ZFHX2: variants seen among roughly 807,000 people sequenced by gnomAD.
The protein encoded by ZFHX2 is zinc finger homeobox protein 2.
In ZFHX2, 75 loss-of-function variants were observed where a neutral mutation model predicts 164.8. The ratio of observed to expected loss-of-function variants is 0.46; its 90% confidence interval spans 0.38 to 0.55. The LOEUF (loss-of-function observed/expected upper bound fraction) is 0.55, where lower values mean the gene tolerates loss of function less well. Among genes scored for constraint, ZFHX2 ranks in the 20% least tolerant of loss-of-function variants. The probability of loss-of-function intolerance (pLI) is 0.00; values close to 1 mark genes in which losing one functional copy is unlikely to be tolerated. For synonymous variants in ZFHX2, 1,217 were observed against 1,351.4 expected (o/e 0.90, Z 2.18); for missense variants, 2,933 against 3,308.0 (o/e 0.89, Z 2.78).
chr14:23,550,506 G>A (rs1369898174), intron 1 of ZFHX2, among the ~76,000 whole-genome samples: 1 of 152,224 alleles, frequency 6.6e-6, no homozygotes, highest in Non-Finnish European at 1.5e-5. Context: ...AGTGGAGACA[G>A]TGACATACAG....
chr14:23,544,997 G>A lies in ZFHX2; in HGVS notation c.-50+6346C>T, dbSNP rs138595494. The stretch of plus-strand genomic sequence containing the variant: ...TGTCTCCCTTCCCGCTTCTCTCTTC[G>A]ATTCTGGGCTCCTCTTCTCTTCACT... On this transcript the variant is annotated intron_variant, in intron 1 of 9. Transcript: ENST00000419474. Among the ~76,000 whole-genome samples the A allele has an allele frequency of 8.1e-3, 1,221 of 150,898 alleles. 6 individuals are homozygous for A. Among genetic ancestry groups the A allele is most frequent in the Middle Eastern group, 0.027 (8 of 294 alleles).
rs548509790 is a variant in ZFHX2, at chr14:23,546,871, C to G, written c.-50+4472G>C. Among the ~76,000 whole-genome samples, 6 of 152,274 alleles carry G rather than the reference C, an allele frequency of 3.9e-5. No homozygotes were observed. Among genetic ancestry groups the G allele is most frequent in the Admixed American group, 6.5e-5 (1 of 15,304 alleles). ...CAGCCACCACTGTCCTTCCTTCAGG[C>G]CCCCCGCCCACCAGCCCCTTCTTTA... On this transcript the variant is annotated intron_variant, in intron 1 of 9. Coordinates refer to ENST00000419474, the MANE Select transcript of ZFHX2 (RefSeq NM_033400.3). This position sits in a 1 kb window ranked among gnomAD's most constrained non-coding sequence, Gnocchi z 4.7.
In ZFHX2 at chr14:23,534,494, G is replaced by A; in HGVS notation, c.832C>T (p.Leu278Phe). ...TTGCAGCCTTCATCTCCCTCCTGGA[G>A]TACAGCTGGGCTACCTGACAGGCCC... ...YQGLSGSPAV[L>F]QEGDEGCKAL... Residue 278 changes from leucine (L) to phenylalanine (F), a missense_variant, in exon 2 of 10, where the codon CTC becomes TTC. Transcript: ENST00000419474. The surrounding 1 kb of genome is among the most constrained non-coding windows in gnomAD (Gnocchi z 4.5). The A allele has an allele frequency of 2.0e-6, 3 of 1,536,246 alleles. No homozygotes were observed. Among genetic ancestry groups the A allele is most frequent in the Non-Finnish European group, 2.6e-6 (3 of 1,146,950 alleles).
intron 1 of ZFHX2, among the ~76,000 whole-genome samples, chr14:23,537,241 T>C (rs1192583040): frequency 2.0e-5 from 3 of 151,800 alleles, no homozygotes; most frequent in Non-Finnish European, 4.4e-5. Context: ...TTTTTTTTTT[T>C]CTAAATCAGG....
intron 1 of ZFHX2, among the ~76,000 whole-genome samples, chr14:23,536,932 G>T (rs1880212516): frequency 6.6e-6 from 1 of 152,206 alleles, no homozygotes; most frequent in African/African-American, 2.4e-5. Flanking sequence ...GAGGTCAGGA[G>T]TTTGAGACTA....
upstream of ZFHX2, among the ~76,000 whole-genome samples, chr14:23,554,308 C>G (rs574573476): frequency 3.2e-4 from 48 of 152,274 alleles, no homozygotes; most frequent in Non-Finnish European, 1.0e-4. Flanking sequence ...TCTTCTCTCC[C>G]TAACCAACAG....
Position 23,526,489 on chromosome 14 carries a change from C to T in ZFHX2, c.3453G>A (p.Glu1151=), listed in dbSNP as rs1878727108. 1 of 1,536,040 alleles carries T rather than the reference C, an allele frequency of 6.5e-7. No homozygotes were observed. Among genetic ancestry groups the T allele is most frequent in the Non-Finnish European group, 8.7e-7 (1 of 1,146,874 alleles). ...APPPTMAEEE[E]GTTGELRSAE... is the part of the protein sequence containing the mutation. ...CAGAGCGGAGCTCCCCAGTGGTCCC[C>T]TCTTCCTCCTCAGCCATGGTGGGCG... Residue 1151 remains glutamate, a synonymous_variant, in exon 9 of 10, where the codon GAG becomes GAA. Transcript: ENST00000419474.
At position 23,525,294 on chromosome 14, in the gene ZFHX2, G is replaced by A. The variant is rs1205230570; in HGVS notation, c.4648C>T (p.Pro1550Ser). The stretch of plus-strand genomic sequence containing the variant: ...TCAGGCTCTGGGACCAGGAAGGGTG[G>A]GCCCAGATGGGGAACAGGTGAATCC... ...SLDSPVPHLG[P>S]PFLVPEPEAG... The change falls in exon 9 of 10, where the codon CCA becomes TCA. Residue 1550 changes from proline to serine, a missense_variant. Physicochemically the swap from Pro to Ser is moderately conservative, Grantham distance 74. Transcript: ENST00000419474. This position sits in a 1 kb window ranked among gnomAD's most constrained non-coding sequence, Gnocchi z 5.9. 4 of 1,536,076 alleles carry A rather than the reference G, an allele frequency of 2.6e-6. No individual in the cohort carries two copies. Among genetic ancestry groups the A allele is most frequent in the African/African-American group, 2.7e-5 (2 of 73,142 alleles).
At position 23,523,477 on chromosome 14, in the gene ZFHX2, A is replaced by G. The variant is rs1275561295; in HGVS notation, c.6465T>C (p.Tyr2155=). ...RTDCPYCDVK[Y]DFYVSCRGHL... ...GGCCTCGGCAGGAGACATAGAAATC[A>G]TACTTGACATCACAATAGGGGCAGT... is the stretch of plus-strand genomic sequence containing the variant. The change falls in exon 9 of 10, where the codon TAT becomes TAC. Residue 2155 remains tyrosine (Y), a synonymous_variant. Transcript: ENST00000419474. The surrounding 1 kb of genome is among the most constrained non-coding windows in gnomAD (Gnocchi z 4.1). 1 of 1,536,094 alleles carries G rather than the reference A, an allele frequency of 6.5e-7. No individual in the cohort carries two copies. The highest frequency in any genetic ancestry group is 1.4e-5 in the African/African-American group (1 of 73,034).
chr14:23,550,941 G>T (rs1017823930), intron 1 of ZFHX2, among the ~76,000 whole-genome samples: 8 of 151,814 alleles, frequency 5.3e-5, no homozygotes, highest in Non-Finnish European at 7.4e-5. Context: ...ACAGCTCTGA[G>T]CCCTCACACT....
In ZFHX2 at chr14:23,523,981, G is replaced by T; in HGVS notation, c.5961C>A (p.Ala1987=). The T allele has an allele frequency of 6.5e-7, 1 of 1,528,080 alleles. No homozygotes were observed. Among genetic ancestry groups the T allele is most frequent in the African/African-American group, 1.4e-5 (1 of 72,804 alleles). The allele number at this position is 1,528,080 out of a possible 1,614,324, so 94.7% of individuals were successfully genotyped here. A position where few individuals can be genotyped will look rare whatever the true frequency, so the allele number is the denominator to read the frequency against. The stretch of plus-strand genomic sequence containing the variant: ...GAGGTGGCTCTGGTGTTGGGGTGGT[G>T]GCCTCTTTCCCAGGTGGTAGGAAAG... ...PQPFLPPGKE[A]TTPTPEPPLP... Residue 1987 remains alanine (A), a synonymous_variant, in exon 9 of 10, where the codon GCC becomes GCA. Transcript: ENST00000419474. The surrounding 1 kb of genome is among the most constrained non-coding windows in gnomAD (Gnocchi z 4.1).
At chr14:23,531,838 C>A in intron 3 of ZFHX2, 117 bp from the exon 4 acceptor site, 1 of 1,222,022 alleles carries the variant, frequency 8.2e-7, no homozygotes, top group South Asian at 3.7e-5. Flanking sequence ...AGTGCAGTGG[C>A]ATGATCTCTA....
In ZFHX2 at chr14:23,523,155, G is replaced by C; in HGVS notation, c.6739+48C>G. ...AAGGAAAAGGAAGGGCATGTCATTA[G>C]AGGGGGATGTTCTCTGAAGTCCAGC... On this transcript the variant is annotated intron_variant, in intron 9 of 9. Transcript: ENST00000419474. This position sits in a 1 kb window ranked among gnomAD's most constrained non-coding sequence, Gnocchi z 4.1. 7.1e-7 allele frequency: 1 copy of C among 1,411,214 alleles called. No homozygotes were observed. Among genetic ancestry groups the C allele is most frequent in the Non-Finnish European group, 9.2e-7 (1 of 1,088,406 alleles). 87.4% of individuals were successfully genotyped at this position (1,411,214 alleles called of 1,614,324 possible). A position where few individuals can be genotyped will look rare whatever the true frequency, so the allele number is the denominator to read the frequency against.
intron 5 of ZFHX2, 136 bp downstream of exon 5, chr14:23,529,984 C>T (rs760896587): frequency 2.0e-5 from 21 of 1,043,578 alleles, no homozygotes; most frequent in Non-Finnish European, 3.0e-5. Flanking sequence ...GCTCAGCCTC[C>T]CTTCCCCCTG....
In ZFHX2 at chr14:23,535,603, T is replaced by A. The variant is rs550942513; in HGVS notation, c.-49-229A>T. ...ATTTTATTTTATTAATTAATTAATTTTTTTTTGAGATGGAGTTTTGCTCTT... is the reference window on the plus strand; with the variant it reads ...ATTTTATTTTATTAATTAATTAATTATTTTTTGAGATGGAGTTTTGCTCTT... On this transcript the variant is annotated intron_variant, in intron 1 of 9. Coordinates refer to ENST00000419474, the MANE Select transcript of ZFHX2 (RefSeq NM_033400.3). The surrounding 1 kb of genome is among the most constrained non-coding windows in gnomAD (Gnocchi z 4.5). Among the ~76,000 whole-genome samples, 401 of 152,260 alleles carry A rather than the reference T, an allele frequency of 2.6e-3. 3 individuals carry two copies. Among genetic ancestry groups the A allele is most frequent in the African/African-American group, 9.3e-3 (387 of 41,542 alleles).
Position 23,533,238 on chromosome 14 carries a change from G to A in ZFHX2, c.2041+47C>T, listed in dbSNP as rs762008220. ...TCCTTGGGAGAAAGCACGGAATAGA[G>A]TTTGGCCCTGGGGAGGAGAGAAGAG... On this transcript the variant is annotated intron_variant, in intron 2 of 9. Coordinates refer to ENST00000419474, the MANE Select transcript of ZFHX2 (RefSeq NM_033400.3). The surrounding 1 kb of genome is among the most constrained non-coding windows in gnomAD (Gnocchi z 4.8). 1.4e-6 allele frequency: 2 copies of A among 1,435,588 alleles called. No homozygotes were observed. The highest frequency in any genetic ancestry group is 2.5e-5 in the East Asian group (1 of 40,004). 88.9% of individuals were successfully genotyped at this position (1,435,588 alleles called of 1,614,324 possible).
chr14:23,529,303 C>T (rs1879212768), intron 6 of ZFHX2: 1 of 210,108 alleles, frequency 4.8e-6, no homozygotes, highest in Admixed American at 5.4e-5. Context: ...CATCCAGGCT[C>T]AGGGCGTTTT....
rs772521506 is a variant in ZFHX2, at chr14:23,533,597, C to G, written c.1729G>C (p.Glu577Gln). 6.5e-7 allele frequency: 1 copy of G among 1,536,728 alleles called. No homozygotes were observed. Among genetic ancestry groups the G allele is most frequent in the South Asian group, 1.2e-5 (1 of 84,066 alleles). The change falls in exon 2 of 10, where the codon GAG (glutamate) becomes CAG (glutamine). Residue 577 changes from glutamate to glutamine, a missense_variant. By Grantham distance (29) the Glu-to-Gln change is conservative. Coordinates refer to ENST00000419474, the MANE Select transcript of ZFHX2 (RefSeq NM_033400.3). The surrounding 1 kb of genome is among the most constrained non-coding windows in gnomAD (Gnocchi z 4.8). ...SSWQCKVCSYETNISRNLRIH... is the reference protein window; with the variant it reads ...SSWQCKVCSYQTNISRNLRIH... ...CGCAGGTTACGGGAGATGTTTGTCT[C>G]GTAGCTGCACACCTTGCACTGCCAG...
In ZFHX2 at chr14:23,521,993, G is replaced by C. The variant is rs1281389284; in HGVS notation, c.7688C>G (p.Thr2563Ser). Residue 2563 changes from threonine (T) to serine (S), a missense_variant, in exon 10 of 10, where the codon ACT becomes AGT. Physicochemically the swap from Thr to Ser is moderately conservative, Grantham distance 58. Coordinates refer to ENST00000419474, the MANE Select transcript of ZFHX2 (RefSeq NM_033400.3). Reference protein sequence around the residue: ...RLPHTDSNPKTTTTSTLLAL With the variant: ...RLPHTDSNPKSTTTSTLLAL ...AGCTAGAAGTGTAGAGGTAGTCGTA[G>C]TTTTTGGGTTGGAGTCCGTGTGAGG... The C allele has an allele frequency of 1.3e-6, 2 of 1,536,410 alleles. No homozygotes were observed. The highest frequency in any genetic ancestry group is 2.0e-5 in the Admixed American group (1 of 51,010).
Sources: allele counts gnomAD v4.1 joint callset (sites outside exome capture counted in the v4.1 genomes callset), GRCh38; gene constraint gnomAD v4.1.1; non-coding constraint Gnocchi (gnomAD v3.1); transcripts MANE v1.5; gene names NCBI Gene and HGNC (gene_info 2026-07-23, HGNC 2026-07-21).